Variants in XYLB observed in about 807,000 individuals in gnomAD.
The protein encoded by XYLB is xylulokinase, also known as xylulose kinase.
XYLB carries 62 observed loss-of-function variants against 78.7 expected under a neutral mutation model. That is an observed-to-expected ratio of 0.79 (90% CI 0.64 to 0.97). The LOEUF (loss-of-function observed/expected upper bound fraction) is 0.97. Among genes scored for constraint, XYLB ranks in the 50% least tolerant of loss-of-function variants. XYLB has a pLI of 0.00. For missense variants in XYLB, 687 were observed against 676.8 expected (o/e 1.02, Z -0.17); for synonymous variants, 245 against 247.4 (o/e 0.99, Z 0.09).
chr3:38,354,346 G>T (rs956131232), intron 2 of XYLB, among the ~76,000 whole-genome samples: 2 of 152,022 alleles, frequency 1.3e-5, no homozygotes, highest in Middle Eastern at 3.2e-3. Flanking sequence ...GGGATTACAG[G>T]TGTGAGCCAT....
chr3:38,348,780 T>C, intron 2 of XYLB, 148 bp downstream of exon 2: 1 of 672,504 alleles, frequency 1.5e-6, no homozygotes, highest in Middle Eastern at 2.5e-4. Flanking sequence ...CTTTTTTTCC[T>C]ATACCTAGAG....
chr3:38,365,811 T>C, intron 6 of XYLB, 75 bp downstream of exon 6: 1 of 1,499,136 alleles, frequency 6.7e-7, no homozygotes, highest in East Asian at 2.4e-5. Flanking sequence ...GACCTGCCTC[T>C]GGGGGGATCA....
rs565380643 is a variant in XYLB, at chr3:38,378,865, C to G, written c.1195-381C>G. On this transcript the variant is annotated intron_variant, in intron 14 of 18. Transcript: ENST00000207870. ...TCCAGGCTCTGTTGTCTAATCTGAT[C>G]ATTGCAACAACCCTAAAAAACAGGC... Among the ~76,000 whole-genome samples, 47 of 149,624 alleles carry G rather than the reference C, an allele frequency of 3.1e-4. No individual in the cohort carries two copies. In the Middle Eastern group the frequency reaches 0.01, roughly 33 times the overall value.
intron 15 of XYLB, among the ~76,000 whole-genome samples, chr3:38,385,837 T>C (rs1216414396): frequency 6.6e-6 from 1 of 152,226 alleles, no homozygotes; most frequent in African/African-American, 2.4e-5. Context: ...GGATGCTCAT[T>C]GCTACTGGGA....
chr3:38,365,262 C>T lies in XYLB; in HGVS notation c.355C>T (p.Leu119Phe), dbSNP rs1303739569. ...GGCACTGACAAGCTTATCACCAGACCTCCGGCTACACCAGCAGCTGCAGGT... is the reference window on the plus strand; with the variant it reads ...GGCACTGACAAGCTTATCACCAGACTTCCGGCTACACCAGCAGCTGCAGGT... ...QQALTSLSPD[L>F]RLHQQLQDCF... The change falls in exon 5 of 19, where the codon CTC becomes TTC. Residue 119 changes from leucine to phenylalanine, a missense_variant. By Grantham distance (22) the Leu-to-Phe change is conservative (BLOSUM62 0). Transcript: ENST00000207870. 9.3e-6 allele frequency: 15 copies of T among 1,614,092 alleles called. No homozygotes were observed. In the East Asian group the frequency reaches 3.3e-4, roughly 36 times the overall value.
At chr3:38,446,098 C>A in the XYLB span, among the ~76,000 whole-genome samples, 1 of 152,194 alleles carries the variant, frequency 6.6e-6, no homozygotes, top group Admixed American at 6.5e-5. Flanking sequence ...GCTTCCACAG[C>A]ATGGAAGGAG....
At chr3:38,350,323 A>G (rs1225788020) in intron 2 of XYLB, among the ~76,000 whole-genome samples, 1 of 152,182 alleles carries the variant, frequency 6.6e-6, no homozygotes, top group Non-Finnish European at 1.5e-5. Context: ...GTTTCAAGGA[A>G]TTGGTCTTTT....
rs774779670 is a variant in XYLB at position 38,412,929 on chromosome 3, C to G, written c.1534-7C>G. 2.5e-5 allele frequency: 40 copies of G among 1,601,266 alleles called. No homozygotes were observed. Among genetic ancestry groups the G allele is most frequent in the Middle Eastern group, 1.7e-4 (1 of 6,056 alleles). On this transcript the variant is annotated splice_polypyrimidine_tract_variant and splice_region_variant and intron_variant, in intron 18 of 18. Transcript: ENST00000207870. ...TCTGTTCTAAACTGCTTTTTCTGCCCTTCTAGGTCTACGAGGCCCTTCTCC... is the reference window on the plus strand; with the variant it reads ...TCTGTTCTAAACTGCTTTTTCTGCCGTTCTAGGTCTACGAGGCCCTTCTCC...
the XYLB span, among the ~76,000 whole-genome samples, chr3:38,445,055 A>G: frequency 2.0e-5 from 3 of 152,280 alleles, no homozygotes; most frequent in Non-Finnish European, 4.4e-5. Flanking sequence ...TTGAAAACCT[A>G]TTAGAGTCCT....
At chr3:38,435,924 C>T in the XYLB span, among the ~76,000 whole-genome samples, 2 of 152,024 alleles carry the variant, frequency 1.3e-5, no homozygotes, top group African/African-American at 4.8e-5. Flanking sequence ...CTGTGGGATA[C>T]AGCAAAAGTA....
At chr3:38,409,515 T>A (rs1575543189) in intron 18 of XYLB, among the ~76,000 whole-genome samples, 1 of 152,088 alleles carries the variant, frequency 6.6e-6, no homozygotes, top group African/African-American at 2.4e-5. Context: ...CTATTCAACG[T>A]AGTGTTGGAA....
chr3:38,388,134 A>G (rs531341827), intron 15 of XYLB, among the ~76,000 whole-genome samples: 2 of 149,020 alleles, frequency 1.3e-5, no homozygotes, highest in African/African-American at 5.0e-5. Flanking sequence ...TTGCCCTTCT[A>G]TCAGGAAGTG....
chr3:38,416,939 A>G (rs1708814686), downstream of XYLB, among the ~76,000 whole-genome samples: 1 of 152,204 alleles, frequency 6.6e-6, no homozygotes, highest in Admixed American at 6.5e-5. Flanking sequence ...TTGTCAAAGC[A>G]CATAACATTT....
intron 2 of XYLB, among the ~76,000 whole-genome samples, chr3:38,358,582 G>T (rs192920370): frequency 9.8e-4 from 149 of 152,096 alleles, no homozygotes; most frequent in African/African-American, 2.2e-3. Flanking sequence ...GACTTCAGGT[G>T]ATCTGCCTGC....
At chr3:38,423,438 C>T (rs114569632), downstream of XYLB, among the ~76,000 whole-genome samples, 2,035 of 152,296 alleles carry the variant, frequency 0.013, 39 homozygotes, top group African/African-American at 0.045. Context: ...GCCATTAATT[C>T]GGTTAGACAA....
Position 38,376,155 on chromosome 3 carries a change from A to G in XYLB, c.1043A>G (p.Asn348Ser), listed in dbSNP as rs1377048536. 6.2e-7 allele frequency: 1 copy of G among 1,613,976 alleles called. No homozygotes were observed. Among genetic ancestry groups the G allele is most frequent in the Non-Finnish European group, 8.5e-7 (1 of 1,179,980 alleles). ...NGSLMREKIR[N>S]ESVSRSWSDF... ...TCCCTCATGAGAGAGAAGATCCGCA[A>G]CGAGTCTGTATCCCGTTCCTGGAGC... The change falls in exon 13 of 19, where the codon AAC becomes AGC. Residue 348 changes from asparagine (N) to serine (S), a missense_variant. Physicochemically the swap from Asn to Ser is conservative, Grantham distance 46. Transcript: ENST00000207870.
At chr3:38,412,837 G>A (rs569673702) in intron 18 of XYLB, 99 bp from the exon 19 acceptor site, 100 of 1,019,614 alleles carry the variant, frequency 9.8e-5, no homozygotes, top group Non-Finnish European at 1.3e-4. Flanking sequence ...AAGTTAAATT[G>A]CAAGTAAACG....
At chr3:38,375,799 A>G (rs2125603652) in intron 12 of XYLB, among the ~76,000 whole-genome samples, 1 of 152,254 alleles carries the variant, frequency 6.6e-6, no homozygotes, top group East Asian at 1.9e-4. Flanking sequence ...TAGTTAATCT[A>G]GCCCTCCCTG....
At chr3:38,425,721 C>A (rs1366308290), downstream of XYLB, among the ~76,000 whole-genome samples, 7 of 152,316 alleles carry the variant, frequency 4.6e-5, no homozygotes, top group South Asian at 1.5e-3. Flanking sequence ...ATCATCAAGA[C>A]ACCTGAAACT....
Sources: gnomAD v4.1 joint callset for allele counts (sites outside exome capture counted in the v4.1 genomes callset) on GRCh38, gnomAD v4.1.1 for gene constraint, MANE v1.5 for transcripts, NCBI Gene and HGNC (gene_info 2026-07-23, HGNC 2026-07-21) for gene names.